TENM3: variants seen among roughly 807,000 people sequenced by gnomAD.
The protein encoded by TENM3 is teneurin transmembrane protein 3.
TENM3 carries 63 observed loss-of-function variants against 255.1 expected under a neutral mutation model. That is an observed-to-expected ratio of 0.25 (90% CI 0.20 to 0.30). The LOEUF (loss-of-function observed/expected upper bound fraction) is 0.30. Among genes scored for constraint, TENM3 ranks in the 10% least tolerant of loss-of-function variants. The pLI, the probability that TENM3 is intolerant of heterozygous loss-of-function variation, is 1.00. For synonymous variants in TENM3, 1,306 were observed against 1,322.3 expected (o/e 0.99, Z 0.27); for missense variants, 2,929 against 3,461.1 (o/e 0.85, Z 3.86).
At chr4:182,487,551 T>G (rs926154054) in intron 3 of TENM3, among the ~76,000 whole-genome samples, 17 of 152,122 alleles carry the variant, frequency 1.1e-4, no homozygotes, top group Admixed American at 1.0e-3. Context: ...AAAATAATTT[T>G]GATGGGCCAG....
At chr4:181,863,267 C>A in the TENM3 span, among the ~76,000 whole-genome samples, 1 of 152,124 alleles carries the variant, frequency 6.6e-6, no homozygotes, top group African/African-American at 2.4e-5. Context: ...ATTCATACTT[C>A]TTCAAAGAAC....
At chr4:182,095,121 T>C in the TENM3 span, among the ~76,000 whole-genome samples, 1 of 152,100 alleles carries the variant, frequency 6.6e-6, no homozygotes, top group Non-Finnish European at 1.5e-5. Context: ...GTATGGAGAT[T>C]CCTCACAAAA....
At chr4:182,304,833 T>G (rs1382561929) in intron 1 of TENM3, among the ~76,000 whole-genome samples, 2 of 141,262 alleles carry the variant, frequency 1.4e-5, no homozygotes, top group South Asian at 2.3e-4. Context: ...TGTAGATCCC[T>G]TATTGTCCTC....
rs373674991 is a variant in TENM3 at position 182,595,836 on chromosome 4, C to A, written c.512-5088C>A. 4.4e-4 allele frequency among the ~76,000 whole-genome samples: 67 copies of A among 151,216 alleles called. No individual in the cohort carries two copies. In the East Asian group the frequency reaches 0.011, roughly 24 times the overall value. On this transcript the variant is annotated intron_variant, in intron 3 of 27. Transcript: ENST00000511685. ...AAAATATTAATAAAAGGAAAACATA[C>A]TGTGTTTGGTAAAATATAATTTATA...
chr4:182,712,201 C>A (rs1011782513), intron 12 of TENM3, among the ~76,000 whole-genome samples: 1 of 152,104 alleles, frequency 6.6e-6, no homozygotes, highest in Non-Finnish European at 1.5e-5. Context: ...ACAGCAGATT[C>A]TCACATCTTC....
upstream of TENM3, chr4:182,143,594 T>A (rs974575204): frequency 6.0e-6 from 1 of 166,696 alleles, no homozygotes; most frequent in Non-Finnish European, 1.5e-5. This position sits in a 1 kb window ranked among gnomAD's most constrained non-coding sequence, Gnocchi z 4.3. Context: ...AGAGGTTTGA[T>A]TACACAGAGA....
the TENM3 span, among the ~76,000 whole-genome samples, chr4:182,019,148 C>G: frequency 6.6e-5 from 10 of 152,194 alleles, no homozygotes; most frequent in Admixed American, 4.6e-4. Flanking sequence ...AAAGACCAAC[C>G]CTTTAGTGGA....
At chr4:182,289,533 T>C (rs1760973626) in intron 1 of TENM3, among the ~76,000 whole-genome samples, 1 of 152,242 alleles carries the variant, frequency 6.6e-6, no homozygotes, top group African/African-American at 2.4e-5. Context: ...ATTTATGTTA[T>C]CCAATAAATC....
intron 1 of TENM3, among the ~76,000 whole-genome samples, chr4:182,297,290 T>A (rs1200379133): frequency 6.6e-6 from 1 of 152,200 alleles, no homozygotes; most frequent in Non-Finnish European, 1.5e-5. Context: ...GTCACTTGCA[T>A]AGTTGAAAAA....
intron 3 of TENM3, among the ~76,000 whole-genome samples, chr4:182,568,141 C>T (rs967965690): frequency 6.6e-6 from 1 of 152,202 alleles, no homozygotes; most frequent in Non-Finnish European, 1.5e-5. Flanking sequence ...GTTCTACCTC[C>T]AACCTACCTT....
At chr4:182,166,570 A>G (rs1295240248) in intron 1 of TENM3, among the ~76,000 whole-genome samples, 2 of 152,182 alleles carry the variant, frequency 1.3e-5, no homozygotes, top group African/African-American at 4.8e-5. Flanking sequence ...TGCCCATAGT[A>G]TGCAGGTAAT....
At chr4:181,695,569 A>G in the TENM3 span, among the ~76,000 whole-genome samples, 2 of 152,072 alleles carry the variant, frequency 1.3e-5, no homozygotes, top group African/African-American at 4.8e-5. Context: ...CCCACTCCCT[A>G]CTATGTGGTT....
At chr4:181,905,857 C>G in the TENM3 span, 3 of 452,566 alleles carry the variant, frequency 6.6e-6, no homozygotes, top group Non-Finnish European at 8.4e-6. Context: ...TTTGAGATAT[C>G]ATCATTATCT....
intron 6 of TENM3, among the ~76,000 whole-genome samples, chr4:182,661,664 T>C (rs987535718): frequency 3.3e-5 from 5 of 152,218 alleles, no homozygotes; most frequent in Admixed American, 6.5e-5. Context: ...TAAAAAGATA[T>C]GTTCTCTCAG....
intron 2 of TENM3, among the ~76,000 whole-genome samples, chr4:182,338,708 C>A (rs952590222): frequency 6.6e-6 from 1 of 151,988 alleles, no homozygotes; most frequent in Non-Finnish European, 1.5e-5. Context: ...TGTCTCTGCA[C>A]CATTTTATCC....
chr4:182,241,518 C>CTTTTTTTTT (rs982739950), upstream of TENM3, among the ~76,000 whole-genome samples: 3,543 of 114,038 alleles, frequency 0.031, 314 homozygotes, highest in African/African-American at 0.12. Context: ...TTTTTTCTTT[C>CTTTTTTTTT]TTTTTTTTTT....
At chr4:182,639,205 A>G (rs1263579864) in intron 5 of TENM3, among the ~76,000 whole-genome samples, 1 of 152,188 alleles carries the variant, frequency 6.6e-6, no homozygotes, top group Non-Finnish European at 1.5e-5. Context: ...CCATAGTACA[A>G]TTTATTTTTA....
chr4:182,359,816 G>A (rs1405826154), intron 3 of TENM3, among the ~76,000 whole-genome samples: 1 of 151,764 alleles, frequency 6.6e-6, no homozygotes, highest in Non-Finnish European at 1.5e-5. Context: ...TGATGTTAGG[G>A]TGTCGATTTT....
intron 13 of TENM3, among the ~76,000 whole-genome samples, chr4:182,716,582 A>G (rs1231664237): frequency 2.0e-5 from 3 of 152,184 alleles, no homozygotes; most frequent in Non-Finnish European, 4.4e-5. Context: ...TGAGATTGTA[A>G]CCTGGATGCT....
Sources: allele counts gnomAD v4.1 joint callset (sites outside exome capture counted in the v4.1 genomes callset), GRCh38; gene constraint gnomAD v4.1.1; non-coding constraint Gnocchi (gnomAD v3.1); transcripts MANE v1.5; gene names NCBI Gene and HGNC (gene_info 2026-07-23, HGNC 2026-07-21).